The following RHBDF2 variants were observed in gnomAD, a reference collection of about 807,000 sequenced individuals.
RHBDF2 encodes the protein inactive rhomboid protein 2.
In RHBDF2, 38 loss-of-function variants were observed where a neutral mutation model predicts 95.2. The observed-to-expected ratio is 0.40, with a 90% CI of 0.31 to 0.52. RHBDF2 has a LOEUF of 0.52. RHBDF2 is among the 20% of genes least tolerant of loss of function. The pLI, the probability that RHBDF2 is intolerant of heterozygous loss-of-function variation, is 0.56. For synonymous variants in RHBDF2, 442 were observed against 462.0 expected, an observed-to-expected ratio of 0.96 and a Z score of 0.55; for missense variants, 863 against 1,137.7, an observed-to-expected ratio of 0.76 and a Z score of 3.47.
Position 76,473,340 on chromosome 17 carries a change from T to A in RHBDF2, c.1734-13A>T. 1 of 1,606,810 alleles carries A rather than the reference T, an allele frequency of 6.2e-7. No individual in the cohort carries two copies. The highest frequency in any genetic ancestry group is 8.5e-7 in the Non-Finnish European group (1 of 1,176,160). On this transcript the variant is annotated splice_polypyrimidine_tract_variant and intron_variant, in intron 15 of 18. Coordinates refer to ENST00000675367, the MANE Select transcript of RHBDF2 (RefSeq NM_001005498.4). ...GGTGATCTCACAGCTAAGGGGGTGGTGAGGCAAGAGGGGACATCAGGGCGC... is the reference window on the plus strand; with the variant it reads ...GGTGATCTCACAGCTAAGGGGGTGGAGAGGCAAGAGGGGACATCAGGGCGC...
rs3809699 is a variant in RHBDF2 at position 76,481,120 on chromosome 17, C to T, written c.150+255G>A. Among the ~76,000 whole-genome samples, 179 of 152,312 alleles carry T rather than the reference C, an allele frequency of 1.2e-3. 2 individuals carry two copies. In the East Asian group the frequency reaches 0.029, roughly 24 times the overall value. On this transcript the variant is annotated intron_variant, in intron 3 of 18. Coordinates refer to ENST00000675367, the MANE Select transcript of RHBDF2 (RefSeq NM_001005498.4). ...AGAACAGCCAGGGCCCCAGGGTTACCAGCAAGCACTTTCTTGGGGCTGGCC... is the reference window on the plus strand; with the variant it reads ...AGAACAGCCAGGGCCCCAGGGTTACTAGCAAGCACTTTCTTGGGGCTGGCC...
intron 3 of RHBDF2, 86 bp downstream of exon 3, chr17:76,481,289 T>A: frequency 1.4e-6 from 2 of 1,464,136 alleles, no homozygotes; most frequent in Non-Finnish European, 1.8e-6. Context: ...GGAGCCCCTC[T>A]GGGAAGTGAA....
chr17:76,473,987 A>G, intron 13 of RHBDF2, 46 bp downstream of exon 13: 1 of 1,604,834 alleles, frequency 6.2e-7, no homozygotes, highest in Non-Finnish European at 8.5e-7. Context: ...CTCAGATGGC[A>G]TGGCTATGCC....
At chr17:76,495,673 G>A (rs888113086) in intron 1 of RHBDF2, among the ~76,000 whole-genome samples, 1 of 152,158 alleles carries the variant, frequency 6.6e-6, no homozygotes, top group Non-Finnish European at 1.5e-5. Flanking sequence ...TGAGCATGCA[G>A]AGCCCAGGGA....
At chr17:76,476,681 G>A (rs2073781484) in intron 9 of RHBDF2, 149 bp downstream of exon 9, 1 of 1,212,736 alleles carries the variant, frequency 8.2e-7, no homozygotes, top group Non-Finnish European at 1.1e-6. Flanking sequence ...CCTTGGGACA[G>A]GGTGCGCCTT....
At chr17:76,498,789 AGTGTGTGTGTGTGTGTGT>A (rs60130089) in intron 1 of RHBDF2, among the ~76,000 whole-genome samples, 3 of 143,660 alleles carry the variant, frequency 2.1e-5, no homozygotes, top group African/African-American at 7.6e-5. Flanking sequence ...AGAGAAAGAG[AGTGTGTGTGTGTGTGTGT>A]GTGTGTGTGT....
chr17:76,474,962 G>C, intron 10 of RHBDF2, 68 bp downstream of exon 10: 1 of 1,461,796 alleles, frequency 6.8e-7, no homozygotes, highest in South Asian at 1.2e-5. Context: ...GGAGGGATTA[G>C]GTACCCACGA....
intron 1 of RHBDF2, among the ~76,000 whole-genome samples, chr17:76,494,030 T>C (rs2074376970): frequency 1.3e-5 from 2 of 151,988 alleles, no homozygotes; most frequent in East Asian, 1.9e-4. Flanking sequence ...GGCTGGGGCG[T>C]CATAAGCCAA....
At chr17:76,491,347 A>G (rs957053182) in intron 1 of RHBDF2, among the ~76,000 whole-genome samples, 1 of 152,190 alleles carries the variant, frequency 6.6e-6, no homozygotes, top group Non-Finnish European at 1.5e-5. Context: ...CATGGCTGGC[A>G]TCTGTGCCAA....
chr17:76,473,707 G>T lies in RHBDF2; in HGVS notation c.1674C>A (p.Gly558=). Residue 558 remains glycine (G), a synonymous_variant, in exon 15 of 19, where the codon GGC becomes GGA. Coordinates refer to ENST00000675367, the MANE Select transcript of RHBDF2 (RefSeq NM_001005498.4). Reference sequence around the variant, plus strand: ...TGATCTCGCAGTCCATGTGCAGGAAGCCTGTGTGGTTGCTCCTGGCCTGCT... The same window carrying T: ...TGATCTCGCAGTCCATGTGCAGGAATCCTGTGTGGTTGCTCCTGGCCTGCT... ...CTEQARSNHT[G]FLHMDCEIKG... is the part of the protein sequence containing the mutation. 6.2e-7 allele frequency: 1 copy of T among 1,612,602 alleles called. No homozygotes were observed. Among genetic ancestry groups the T allele is most frequent in the South Asian group, 1.1e-5 (1 of 90,774 alleles).
chr17:76,499,919 C>T (rs1049756852), intron 1 of RHBDF2, among the ~76,000 whole-genome samples: 5 of 152,090 alleles, frequency 3.3e-5, no homozygotes, highest in African/African-American at 1.2e-4. Flanking sequence ...TTCCCAACCT[C>T]TCCCCCACAG....
chr17:76,490,658 G>C (rs1368967022), intron 1 of RHBDF2, among the ~76,000 whole-genome samples: 1 of 151,946 alleles, frequency 6.6e-6, no homozygotes, highest in Non-Finnish European at 1.5e-5. Flanking sequence ...GATCTTTCTG[G>C]AACCCAGATC....
Position 76,477,875 on chromosome 17 carries a change from C to T in RHBDF2, c.673-90G>A, listed in dbSNP as rs911117702. 5.2e-5 allele frequency: 80 copies of T among 1,543,706 alleles called. No homozygotes were observed. In the African/African-American group the frequency reaches 8.3e-4, roughly 16 times the overall value. ...CACCGAAGGAATCATCAAGCCCATC[C>T]GCCTGCAGGCAGCGCCTTGGGAGGA... On this transcript the variant is annotated intron_variant, in intron 6 of 18. Transcript: ENST00000675367.
At chr17:76,489,728 G>C (rs76890068) in intron 1 of RHBDF2, among the ~76,000 whole-genome samples, 3,184 of 152,348 alleles carry the variant, frequency 0.021, 93 homozygotes, top group South Asian at 0.13. Flanking sequence ...TTAACTGTGC[G>C]GGGCCTTGTT....
In RHBDF2 at chr17:76,471,605, G is replaced by T; in HGVS notation, c.*28C>A. The T allele has an allele frequency of 6.4e-7, 1 of 1,556,976 alleles. No individual in the cohort carries two copies. Among genetic ancestry groups the T allele is most frequent in the Non-Finnish European group, 8.7e-7 (1 of 1,149,896 alleles). On this transcript the variant is annotated 3_prime_UTR_variant, in exon 19 of 19. Coordinates refer to ENST00000675367, the MANE Select transcript of RHBDF2 (RefSeq NM_001005498.4). ...CGCAGGCAGACCCTGTTCCAGCAGGGCTGAGGGGCAGCCGTGTGGCCCAGC... is the reference window on the plus strand; with the variant it reads ...CGCAGGCAGACCCTGTTCCAGCAGGTCTGAGGGGCAGCCGTGTGGCCCAGC...
rs747665496 is a variant in RHBDF2 at position 76,476,919 on chromosome 17, G to A, written c.1026C>T (p.Leu342=). The change falls in exon 9 of 19, where the codon CTC becomes CTT. Residue 342 remains leucine, a synonymous_variant. Transcript: ENST00000675367. ...AFDRKKRHYG[L]GVVGNWLNRS... ...GGTTCAGCCAGTTGCCCACCACGCC[G>A]AGGCCGTAGTGCCGCTTCTTCCGAT... 1.6e-5 allele frequency: 26 copies of A among 1,613,654 alleles called. No individual in the cohort carries two copies. The highest frequency in any genetic ancestry group is 1.6e-4 in the Middle Eastern group (1 of 6,066).
Position 76,477,018 on chromosome 17 carries a change from C to T in RHBDF2, c.927G>A (p.Glu309=). The T allele has an allele frequency of 6.2e-7, 1 of 1,613,530 alleles. No homozygotes were observed. The highest frequency in any genetic ancestry group is 1.1e-5 in the South Asian group (1 of 91,072). Residue 309 remains glutamate (E), a synonymous_variant, in exon 9 of 19, where the codon GAG becomes GAA. Transcript: ENST00000675367. ...GCCCGGGGACTGGGGCTCGGCCATACTCCTTCCTGGTGGGGATGGTGGCTT... is the reference window on the plus strand; with the variant it reads ...GCCCGGGGACTGGGGCTCGGCCATATTCCTTCCTGGTGGGGATGGTGGCTT... ...SPDGVQIPLK[E]YGRAPVPGPR...
At chr17:76,489,082 C>T (rs12453854) in intron 1 of RHBDF2, among the ~76,000 whole-genome samples, 12,231 of 151,658 alleles carry the variant, frequency 0.081, 604 homozygotes, top group Middle Eastern at 0.11. Flanking sequence ...GCCGAGATCG[C>T]GCCACTGCAC....
rs73998915 is a variant in RHBDF2, at chr17:76,473,697, T to C, written c.1684A>G (p.Met562Val). The C allele has an allele frequency of 0.023, 37,425 of 1,612,490 alleles. 489 individuals are homozygous for C. Among genetic ancestry groups the C allele is most frequent in the African/African-American group, 0.027 (2,062 of 75,020 alleles). Residue 562 changes from methionine to valine, a missense_variant, in exon 15 of 19, where the codon ATG (methionine) becomes GTG (valine). By Grantham distance (21) the Met-to-Val change is conservative (BLOSUM62 1). Around this residue, in one of 2 missense-constraint regions of RHBDF2, gnomAD observed 252 missense variants for 412.2 expected, o/e 0.61. Coordinates refer to ENST00000675367, the MANE Select transcript of RHBDF2 (RefSeq NM_001005498.4). ...ARSNHTGFLH[M>V]DCEIKGRPCC... ...GGGCGGCCCTTGATCTCGCAGTCCATGTGCAGGAAGCCTGTGTGGTTGCTC... is the reference window on the plus strand; with the variant it reads ...GGGCGGCCCTTGATCTCGCAGTCCACGTGCAGGAAGCCTGTGTGGTTGCTC...
Sources: allele counts gnomAD v4.1 joint callset (sites outside exome capture counted in the v4.1 genomes callset), GRCh38; gene constraint gnomAD v4.1.1; regional missense constraint gnomAD v4.1.1; transcripts MANE v1.5; gene names NCBI Gene and HGNC (gene_info 2026-07-23, HGNC 2026-07-21).